ADAMTSL1: variants seen among roughly 807,000 people sequenced by gnomAD.
ADAMTSL1 encodes ADAMTS like 1, also known as ADAMTS-like protein 1.
A neutral mutation model predicts 201.8 loss-of-function variants in ADAMTSL1; 126 were observed. The observed-to-expected ratio is 0.62, with a 90% CI of 0.54 to 0.72. The LOEUF is 0.72. Among genes scored for constraint, ADAMTSL1 ranks in the 30% least tolerant of loss-of-function variants. The pLI is 0.00. For synonymous variants in ADAMTSL1, 1,121 were observed against 903.4 expected, an observed-to-expected ratio of 1.24 and a Z score of -4.32; for missense variants, 2,679 against 2,277.8, an observed-to-expected ratio of 1.18 and a Z score of -3.59.
At position 18,905,071 on chromosome 9, in the gene ADAMTSL1, T is replaced by A. The variant is rs370020233; in HGVS notation, c.4852-711T>A. 1.5e-3 allele frequency among the ~76,000 whole-genome samples: 221 copies of A among 152,340 alleles called. 5 individuals are homozygous for A. The South Asian group carries it at 0.046, about 31-fold the overall frequency. On this transcript the variant is annotated intron_variant, in intron 26 of 28. Coordinates refer to ENST00000380548, the MANE Select transcript of ADAMTSL1 (RefSeq NM_001040272.6). ...CAAAGACCCCCAAGTTAAGAGCCTT[T>A]GTTCTAAAGTGACCTCCATGGGATG...
intron 1 of ADAMTSL1, among the ~76,000 whole-genome samples, chr9:18,070,619 A>G (rs561624018): frequency 6.6e-6 from 1 of 152,266 alleles, no homozygotes; most frequent in African/African-American, 2.4e-5. Flanking sequence ...CTTGAACTAA[A>G]TGGCCCAGCT....
chr9:18,436,068 G>A (rs1376637048), intron 2 of ADAMTSL1, among the ~76,000 whole-genome samples: 1 of 152,200 alleles, frequency 6.6e-6, no homozygotes, highest in Non-Finnish European at 1.5e-5. Flanking sequence ...GCAGGCCAGG[G>A]AAACAGCAAG....
intron 25 of ADAMTSL1, among the ~76,000 whole-genome samples, chr9:18,891,583 C>CTAACATTCAGAGAACA (rs1829277744): frequency 6.6e-6 from 1 of 152,206 alleles, no homozygotes; most frequent in Admixed American, 6.5e-5. Context: ...CTTTTGGAAC[C>CTAACATTCAGAGAACA]TAACATTCAG....
intron 7 of ADAMTSL1, among the ~76,000 whole-genome samples, chr9:18,641,230 T>C (rs1415418496): frequency 6.6e-6 from 1 of 152,096 alleles, no homozygotes; most frequent in Non-Finnish European, 1.5e-5. Flanking sequence ...TCCAGGAGTA[T>C]TCTTTGACTC....
chr9:18,880,275 A>G (rs116030517), intron 23 of ADAMTSL1, among the ~76,000 whole-genome samples: 1,921 of 152,342 alleles, frequency 0.013, 52 homozygotes, highest in African/African-American at 0.044. Context: ...AATGGCATCT[A>G]GAATGATGAA....
intron 2 of ADAMTSL1, among the ~76,000 whole-genome samples, chr9:18,205,979 G>C (rs576726323): frequency 7.1e-6 from 1 of 141,596 alleles, no homozygotes; most frequent in African/African-American, 2.6e-5. Context: ...ACTTGAAACC[G>C]GGAGACAGAG....
In ADAMTSL1 at chr9:18,777,713, C is replaced by A. The variant is rs761201169; in HGVS notation, c.3484C>A (p.Arg1162Ser). Residue 1162 changes from arginine to serine, a missense_variant, in exon 19 of 29, where the codon CGC becomes AGC. Arg to Ser is a moderately radical substitution (Grantham distance 110, BLOSUM62 -1). Coordinates refer to ENST00000380548, the MANE Select transcript of ADAMTSL1 (RefSeq NM_001040272.6). Reference protein sequence around the residue: ...DAGGGSRRPHRKPTILRKISA... With the variant: ...DAGGGSRRPHSKPTILRKISA... Reference sequence around the variant, plus strand: ...CGGGGGAGGCTCTCGAAGGCCACACCGCAAGCCCACCATCCTGCGCAAGAT... The same window carrying A: ...CGGGGGAGGCTCTCGAAGGCCACACAGCAAGCCCACCATCCTGCGCAAGAT... 4.3e-6 allele frequency: 7 copies of A among 1,613,398 alleles called. No individual in the cohort carries two copies. In the East Asian group the frequency reaches 1.1e-4, roughly 26 times the overall value.
chr9:18,301,949 T>C (rs947380455), intron 2 of ADAMTSL1, among the ~76,000 whole-genome samples: 1 of 152,206 alleles, frequency 6.6e-6, no homozygotes, highest in Non-Finnish European at 1.5e-5. Flanking sequence ...TTGTGCTATC[T>C]TCAAGTCCCC....
chr9:17,977,937 T>C (rs1188946308), intron 1 of ADAMTSL1, among the ~76,000 whole-genome samples: 1 of 152,078 alleles, frequency 6.6e-6, no homozygotes, highest in Non-Finnish European at 1.5e-5. Context: ...ATTGTATTGC[T>C]ATTTCCCCCT....
intron 1 of ADAMTSL1, among the ~76,000 whole-genome samples, chr9:18,127,632 T>G (rs1310297725): frequency 6.6e-6 from 1 of 152,190 alleles, no homozygotes; most frequent in East Asian, 1.9e-4. Context: ...TTTGGCAGGC[T>G]GCATGTGGAA....
At chr9:18,510,821 A>G (rs1317902543) in intron 2 of ADAMTSL1, among the ~76,000 whole-genome samples, 1 of 152,068 alleles carries the variant, frequency 6.6e-6, no homozygotes, top group Non-Finnish European at 1.5e-5. Context: ...TTTATTTCAA[A>G]TGAATTAAAG....
chr9:18,236,554 A>C (rs182504292), intron 2 of ADAMTSL1, among the ~76,000 whole-genome samples: 44 of 152,342 alleles, frequency 2.9e-4, no homozygotes, highest in African/African-American at 1.0e-3. Flanking sequence ...TGATGATGGA[A>C]AATGTGTGTT....
intron 1 of ADAMTSL1, among the ~76,000 whole-genome samples, chr9:17,973,776 G>A (rs13292145): frequency 0.8 from 110,296 of 138,024 alleles, 44,576 homozygotes; most frequent in East Asian, 0.92. Context: ...TTTTCACATT[G>A]TTGATTCTTC....
chr9:18,615,646 C>G (rs1420695677), intron 4 of ADAMTSL1, among the ~76,000 whole-genome samples: 1 of 152,144 alleles, frequency 6.6e-6, no homozygotes, highest in Non-Finnish European at 1.5e-5. Context: ...CTCTGAACCT[C>G]AGTGTTATAA....
chr9:18,332,017 A>G (rs1243759620), intron 2 of ADAMTSL1, among the ~76,000 whole-genome samples: 1 of 152,112 alleles, frequency 6.6e-6, no homozygotes, highest in Non-Finnish European at 1.5e-5. Flanking sequence ...GTGAAACTTG[A>G]TCTCTCAGGG....
At chr9:18,313,685 C>T (rs1470742239) in intron 2 of ADAMTSL1, among the ~76,000 whole-genome samples, 1 of 152,108 alleles carries the variant, frequency 6.6e-6, no homozygotes, top group Non-Finnish European at 1.5e-5. Context: ...TGCAACAGTC[C>T]TGAAACTGTA....
chr9:18,790,121 C>A (rs573255738), intron 19 of ADAMTSL1, among the ~76,000 whole-genome samples: 18 of 152,260 alleles, frequency 1.2e-4, no homozygotes, highest in African/African-American at 2.9e-4. Context: ...TTAGCTTTAT[C>A]TGGTGTTTAA....
At position 17,953,915 on chromosome 9, in the gene ADAMTSL1, T is replaced by C. The variant is rs566257902; in HGVS notation, c.87+46993T>C. On this transcript the variant is annotated intron_variant, in intron 1 of 29. Transcript: ENST00000680146. ...CTCTCAGATGAAATAGCTTATATAATTGGAAATGGCTGGTCCCCTTGAAGG... is the reference window on the plus strand; with the variant it reads ...CTCTCAGATGAAATAGCTTATATAACTGGAAATGGCTGGTCCCCTTGAAGG... Among the ~76,000 whole-genome samples, 19 of 152,270 alleles carry C rather than the reference T, an allele frequency of 1.2e-4. No homozygotes were observed. In the South Asian group the frequency reaches 3.9e-3, roughly 32 times the overall value.
At chr9:18,110,606 T>C (rs1420882419) in intron 1 of ADAMTSL1, among the ~76,000 whole-genome samples, 1 of 152,136 alleles carries the variant, frequency 6.6e-6, no homozygotes, top group African/African-American at 2.4e-5. Flanking sequence ...GTAAGAGAAA[T>C]ACCTGTGTAA....
Sources: gnomAD v4.1 joint callset for allele counts (sites outside exome capture counted in the v4.1 genomes callset) on GRCh38, gnomAD v4.1.1 for gene constraint, MANE v1.5 for transcripts, NCBI Gene and HGNC (gene_info 2026-07-23, HGNC 2026-07-21) for gene names.